Variants in TULP4 observed in about 807,000 individuals in gnomAD.
TULP4 encodes TUB like protein 4.
In TULP4, 16 loss-of-function variants were observed where a neutral mutation model predicts 129.0. That is an observed-to-expected ratio of 0.12 (90% CI 0.08 to 0.19). The LOEUF (loss-of-function observed/expected upper bound fraction) is 0.19. Among genes scored for constraint, TULP4 ranks in the 10% least tolerant of loss-of-function variants. The pLI is 1.00. For missense variants in TULP4, 1,842 were observed against 2,059.1 expected (o/e 0.89, Z 2.04); for synonymous variants, 998 against 854.0 (o/e 1.17, Z -2.94).
At chr6:158,312,082 A>G, upstream of TULP4, 3 of 396,896 alleles carry the variant, frequency 7.6e-6, no homozygotes, top group Non-Finnish European at 1.3e-5. Flanking sequence ...CCCAGCCGTG[A>G]ATAATCTGAT....
chr6:158,409,369 C>T (rs536459300), intron 1 of TULP4, among the ~76,000 whole-genome samples: 3 of 152,298 alleles, frequency 2.0e-5, no homozygotes, highest in East Asian at 3.9e-4. Context: ...TAACCCTTTC[C>T]TCTGACTTCT....
intron 9 of TULP4, among the ~76,000 whole-genome samples, chr6:158,492,869 T>G (rs953413616): frequency 2.6e-5 from 4 of 152,176 alleles, no homozygotes; most frequent in Non-Finnish European, 4.4e-5. Flanking sequence ...ATGTTACAAA[T>G]AAAGGGACTG....
At chr6:158,234,780 G>C (rs4710088) in intron 1 of TULP4, among the ~76,000 whole-genome samples, 53,532 of 152,010 alleles carry the variant, frequency 0.35, 9,956 homozygotes, top group East Asian at 0.54. Context: ...TGTCAAATGT[G>C]TTTTAATTTG....
chr6:158,273,681 T>C (rs1394776382), intron 1 of TULP4, among the ~76,000 whole-genome samples: 2 of 152,242 alleles, frequency 1.3e-5, no homozygotes, highest in South Asian at 2.1e-4. Context: ...TGACACTTAC[T>C]GAGAGTTTAT....
intron 1 of TULP4, among the ~76,000 whole-genome samples, chr6:158,238,879 TC>T (rs1430277357): frequency 5.1e-5 from 5 of 98,806 alleles, no homozygotes; most frequent in African/African-American, 1.7e-4. Context: ...TCCCCACCTT[TC>T]CCGCCTTTCT....
At chr6:158,303,467 G>T (rs904964987) in intron 1 of TULP4, among the ~76,000 whole-genome samples, 3 of 152,104 alleles carry the variant, frequency 2.0e-5, no homozygotes, top group Non-Finnish European at 2.9e-5. Context: ...ATGCTTCAAA[G>T]GGTAAAAAGC....
intron 1 of TULP4, chr6:158,238,536 A>G (rs1430288048): frequency 1.1e-5 from 3 of 266,026 alleles, no homozygotes; most frequent in African/African-American, 2.7e-5. Context: ...AAACAAGTGA[A>G]CAAAGGTCTC....
intron 1 of TULP4, among the ~76,000 whole-genome samples, chr6:158,366,940 C>A (rs1337748095): frequency 6.6e-6 from 1 of 152,204 alleles, no homozygotes; most frequent in Non-Finnish European, 1.5e-5. Flanking sequence ...GCCAAACAGT[C>A]TCATGAATTA....
chr6:158,275,512 C>T lies in TULP4; in HGVS notation n.69-36539C>T, dbSNP rs146711905. On this transcript the variant is annotated intron_variant and non_coding_transcript_variant, in intron 1 of 1. Transcript: ENST00000620026. ...TTGCAAATTGAGCAACAAGTCTAGC[C>T]GTCTGGATGGCCACAGTTACTACTT... Among the ~76,000 whole-genome samples, 35 of 152,284 alleles carry T rather than the reference C, an allele frequency of 2.3e-4. No individual in the cohort carries two copies. In the East Asian group the frequency reaches 6.7e-3, roughly 29 times the overall value.
intron 1 of TULP4, chr6:158,237,436 C>T (rs1225342854): frequency 6.3e-7 from 1 of 1,576,376 alleles, no homozygotes; most frequent in East Asian, 2.2e-5. Flanking sequence ...TATGATGTTA[C>T]TTGTAGAGGC....
intron 1 of TULP4, among the ~76,000 whole-genome samples, chr6:158,329,128 T>C (rs949312195): frequency 2.6e-5 from 4 of 152,232 alleles, no homozygotes; most frequent in Non-Finnish European, 5.9e-5. Context: ...AAGATTCTAT[T>C]GCTGGGTGTT....
Position 158,502,189 on chromosome 6 carries a change from C to A in TULP4, c.2526C>A (p.Pro842=). The part of the protein sequence containing the change: ...NPPPPYPGTI[P]AAPTTAAPPP... ...CACCCCCGTACCCAGGAACCATCCC[C>A]GCTGCCCCCACCACAGCAGCACCCC... The change falls in exon 13 of 14, where the codon CCC becomes CCA. Residue 842 remains proline, a synonymous_variant. Coordinates refer to ENST00000367097, the MANE Select transcript of TULP4 (RefSeq NM_020245.5). The A allele has an allele frequency of 6.5e-7, 1 of 1,534,584 alleles. No homozygotes were observed. The highest frequency in any genetic ancestry group is 8.8e-7 in the Non-Finnish European group (1 of 1,137,382).
chr6:158,357,932 A>G (rs1482047366), intron 1 of TULP4, among the ~76,000 whole-genome samples: 1 of 152,126 alleles, frequency 6.6e-6, no homozygotes, highest in East Asian at 1.9e-4. Context: ...TAAGGAGGTG[A>G]GGTTGGGTGT....
At position 158,298,177 on chromosome 6, in the gene TULP4, C is replaced by T. The variant is rs574007702; in HGVS notation, n.117-13874C>T. Among the ~76,000 whole-genome samples the T allele has an allele frequency of 1.2e-3, 178 of 152,212 alleles. No individual in the cohort carries two copies. The South Asian group carries it at 0.016, about 14-fold the overall frequency. ...TTGTCTTCCCTTGTTCCCTAAAAAT[C>T]GCTGTTATTCTGTTCTTTTTCAAGG... On this transcript the variant is annotated intron_variant and non_coding_transcript_variant, in intron 1 of 1. Transcript: ENST00000432358.
At chr6:158,406,066 T>G (rs891902097) in intron 1 of TULP4, among the ~76,000 whole-genome samples, 2 of 152,156 alleles carry the variant, frequency 1.3e-5, no homozygotes, top group Non-Finnish European at 2.9e-5. Context: ...CTTTGTGTCC[T>G]CCCTGAATGC....
chr6:158,363,062 CAAAAA>C (rs11373437), intron 1 of TULP4, among the ~76,000 whole-genome samples: 5 of 87,998 alleles, frequency 5.7e-5, no homozygotes, highest in Non-Finnish European at 1.1e-4. Context: ...GACTCCATCT[CAAAAA>C]AAAAAAAAAA....
At chr6:158,249,774 G>T (rs1778103877) in intron 1 of TULP4, among the ~76,000 whole-genome samples, 1 of 152,012 alleles carries the variant, frequency 6.6e-6, no homozygotes, top group Non-Finnish European at 1.5e-5. Flanking sequence ...ACTTTTTCTG[G>T]ACCATTAACA....
chr6:158,317,387 G>T (rs1349423578), intron 1 of TULP4, among the ~76,000 whole-genome samples: 2 of 132,986 alleles, frequency 1.5e-5, no homozygotes, highest in Non-Finnish European at 3.1e-5. Flanking sequence ...TCATTGTTCA[G>T]TTCCCACCTA....
intron 1 of TULP4, among the ~76,000 whole-genome samples, chr6:158,315,858 C>T (rs1437035622): frequency 6.6e-6 from 1 of 152,212 alleles, no homozygotes; most frequent in Admixed American, 6.5e-5. Context: ...GTAGGAATCC[C>T]ATTTATGAGG....
Sources: gnomAD v4.1 joint callset for allele counts (sites outside exome capture counted in the v4.1 genomes callset) on GRCh38, gnomAD v4.1.1 for gene constraint, MANE v1.5 for transcripts, NCBI Gene and HGNC (gene_info 2026-07-23, HGNC 2026-07-21) for gene names.